NDUFAF5: variants seen among roughly 807,000 people sequenced by gnomAD.
The protein encoded by NDUFAF5 is NADH:ubiquinone oxidoreductase complex assembly factor 5, also known as arginine-hydroxylase NDUFAF5, mitochondrial.
A neutral mutation model predicts 48.9 loss-of-function variants in NDUFAF5; 34 were observed. The observed-to-expected ratio is 0.70, with a 90% CI of 0.53 to 0.93. The LOEUF is 0.93. Ranked by LOEUF, NDUFAF5 falls within the 40% of genes least tolerant of loss-of-function variation. The pLI is 0.00. For missense variants in NDUFAF5, 428 were observed against 427.5 expected (o/e 1.00, Z -0.01); for synonymous variants, 153 against 150.6 (o/e 1.02, Z -0.12).
intron 7 of NDUFAF5, among the ~76,000 whole-genome samples, chr20:13,803,799 T>TG (rs200809565): frequency 0.017 from 2,584 of 150,352 alleles, 35 homozygotes; most frequent in Middle Eastern, 0.061. Context: ...ATTTTTTTTT[T>TG]GGGGGGGGGA....
chr20:13,793,021 T>C, intron 3 of NDUFAF5, 159 bp from the exon 4 acceptor site: 8 of 732,692 alleles, frequency 1.1e-5, no homozygotes, highest in Non-Finnish European at 1.9e-5. Flanking sequence ...GCAAAGGATA[T>C]GTGTTATTAA....
At chr20:13,801,905 A>G (rs1453401542) in intron 7 of NDUFAF5, 1 of 488,660 alleles carries the variant, frequency 2.0e-6, no homozygotes, top group Non-Finnish European at 3.6e-6. Flanking sequence ...CTGTTACCTT[A>G]AAAAGTAGCT....
Position 13,820,753 on chromosome 20 carries a change from TAA to T in NDUFAF5, c.*3546_*3547del, listed in dbSNP as rs1986932829. The T allele has an allele frequency of 6.6e-6, 1 of 152,174 alleles. No individual in the cohort carries two copies. Among genetic ancestry groups the T allele is most frequent in the Admixed American group, 6.5e-5 (1 of 15,278 alleles). 9.4% of individuals were successfully genotyped at this position (152,174 alleles called of 1,614,324 possible). ...ATGTATTCCTTAAGTAGGAGTGGAA[TAA>T]AAGTATTTTACCGTGGATTGGCTTC... On this transcript the variant is annotated 3_prime_UTR_variant, in exon 11 of 11. Coordinates refer to ENST00000378106, the MANE Select transcript of NDUFAF5 (RefSeq NM_024120.5).
Position 13,798,471 on chromosome 20 carries a change from G to A in NDUFAF5, c.490G>A (p.Val164Met). The part of the protein sequence containing the change: ...LVVSSLSLHW[V>M]NDLPRALEQI... Reference sequence around the variant, plus strand: ...ATTCTCATATTTTAGTTTGCATTGGGTGAATGACCTTCCTAGAGCACTTGA... The same window carrying A: ...ATTCTCATATTTTAGTTTGCATTGGATGAATGACCTTCCTAGAGCACTTGA... The change falls in exon 6 of 11, where the codon GTG (valine) becomes ATG (methionine). Residue 164 changes from valine to methionine, a missense_variant. By Grantham distance (21) the Val-to-Met change is conservative. Coordinates refer to ENST00000378106, the MANE Select transcript of NDUFAF5 (RefSeq NM_024120.5). The A allele has an allele frequency of 6.2e-7, 1 of 1,611,168 alleles. No individual in the cohort carries two copies. Among genetic ancestry groups the A allele is most frequent in the South Asian group, 1.1e-5 (1 of 91,022 alleles).
chr20:13,793,194 GT>G lies in NDUFAF5; in HGVS notation c.347del (p.Phe116SerfsTer10). 1 of 1,613,956 alleles carries G rather than the reference GT, an allele frequency of 6.2e-7. No individual in the cohort carries two copies. Among genetic ancestry groups the G allele is most frequent in the East Asian group, 2.2e-5 (1 of 44,840 alleles). On this transcript the variant is annotated frameshift_variant, in exon 4 of 11. Coordinates refer to ENST00000378106, the MANE Select transcript of NDUFAF5 (RefSeq NM_024120.5). LOFTEE classifies it high-confidence loss of function. Reference protein sequence around the residue: ...QYLNKETIGKFFQADIAENAL... With the variant: ...QYLNKETIGKXFQADIAENAL... ...TTCCATTGCAGGAAACTATTGGAAA[GT>G]TTTTCCAAGCTGACATTGCAGAAAA... is the stretch of plus-strand genomic sequence containing the variant.
chr20:13,805,526 TTAG>T (rs889947523), intron 7 of NDUFAF5, among the ~76,000 whole-genome samples: 7 of 152,230 alleles, frequency 4.6e-5, no homozygotes, highest in African/African-American at 1.7e-4. Context: ...AGAATCTTCT[TTAG>T]TTTATACAAT....
chr20:13,791,126 G>A (rs186292038), intron 3 of NDUFAF5, among the ~76,000 whole-genome samples: 33 of 152,320 alleles, frequency 2.2e-4, no homozygotes, highest in South Asian at 1.2e-3. Flanking sequence ...GTGGCAAGGA[G>A]CACGGGATCA....
intron 7 of NDUFAF5, among the ~76,000 whole-genome samples, chr20:13,802,334 T>C (rs1410617670): frequency 6.6e-6 from 1 of 152,054 alleles, no homozygotes; most frequent in East Asian, 1.9e-4. Context: ...GATAGGGAAA[T>C]TTGAGTAACT....
At chr20:13,787,675 C>T (rs1291617658) in intron 2 of NDUFAF5, among the ~76,000 whole-genome samples, 3 of 152,262 alleles carry the variant, frequency 2.0e-5, no homozygotes, top group East Asian at 3.9e-4. Flanking sequence ...TTTTAACATC[C>T]GAAGCCTCTG....
At chr20:13,794,373 G>A (rs1004951094) in intron 4 of NDUFAF5, among the ~76,000 whole-genome samples, 8 of 151,894 alleles carry the variant, frequency 5.3e-5, no homozygotes, top group East Asian at 1.9e-4. Context: ...TCCGCCTCCC[G>A]GGTTCAAGCG....
At position 13,817,162 on chromosome 20, in the gene NDUFAF5, G is replaced by A. The variant is rs1289094596; in HGVS notation, c.990G>A (p.Glu330=). ...GTTCCGCAACTGTGTCATTTGGAGA[G>A]CTAGGAAAAATAAACAACCTTATGC... ...ERGSATVSFG[E]LGKINNLMPP... The change falls in exon 11 of 11, where the codon GAG becomes GAA. Residue 330 remains glutamate (E), a synonymous_variant. Transcript: ENST00000378106. 4 of 1,613,824 alleles carry A rather than the reference G, an allele frequency of 2.5e-6. No individual in the cohort carries two copies. The highest frequency in any genetic ancestry group is 2.7e-5 in the African/African-American group (2 of 74,886).
At chr20:13,804,250 T>C (rs1984664524) in intron 7 of NDUFAF5, among the ~76,000 whole-genome samples, 1 of 152,134 alleles carries the variant, frequency 6.6e-6, no homozygotes. Flanking sequence ...AAATAACCCA[T>C]CGTAGAATAA....
rs1332202948 is a variant in NDUFAF5, at chr20:13,817,268, A to G, written c.*58A>G. ...TTCATCAGAAATGGATAGCTTTAACATCTAAAATTATTATATTTTGAAGCA... is the reference window on the plus strand; with the variant it reads ...TTCATCAGAAATGGATAGCTTTAACGTCTAAAATTATTATATTTTGAAGCA... On this transcript the variant is annotated 3_prime_UTR_variant, in exon 11 of 11. Transcript: ENST00000378106. 8.1e-7 allele frequency: 1 copy of G among 1,240,220 alleles called. No homozygotes were observed. The highest frequency in any genetic ancestry group is 1.2e-6 in the Non-Finnish European group (1 of 839,016). 76.8% of individuals were successfully genotyped at this position (1,240,220 alleles called of 1,614,324 possible).
chr20:13,810,958 G>C (rs894358571), intron 8 of NDUFAF5, among the ~76,000 whole-genome samples: 1 of 152,158 alleles, frequency 6.6e-6, no homozygotes, highest in African/African-American at 2.4e-5. Flanking sequence ...GGAACCGTTT[G>C]AAATAGTCAT....
At chr20:13,812,801 A>T (rs191764750) in intron 8 of NDUFAF5, among the ~76,000 whole-genome samples, 9 of 152,230 alleles carry the variant, frequency 5.9e-5, no homozygotes, top group Non-Finnish European at 1.3e-4. Flanking sequence ...TCAGGTTAAC[A>T]TGTATATTCA....
intron 1 of NDUFAF5, 83 bp from the exon 2 acceptor site, chr20:13,787,229 A>G: frequency 7.0e-7 from 1 of 1,425,470 alleles, no homozygotes; most frequent in Non-Finnish European, 9.9e-7. Flanking sequence ...ACTTATTTTA[A>G]AACATAAGTA....
intron 7 of NDUFAF5, 71 bp from the exon 8 acceptor site, chr20:13,808,771 C>T (rs1399777046): frequency 1.7e-4 from 166 of 995,178 alleles, no homozygotes; most frequent in Middle Eastern, 2.8e-4. Context: ...GTAGTCTCTG[C>T]GGCCTCTTTT....
At chr20:13,805,526 T>C (rs1984872623) in intron 7 of NDUFAF5, among the ~76,000 whole-genome samples, 1 of 152,112 alleles carries the variant, frequency 6.6e-6, no homozygotes, top group South Asian at 2.1e-4. Context: ...AGAATCTTCT[T>C]TAGTTTATAC....
chr20:13,818,577 C>G lies in NDUFAF5; in HGVS notation c.*1367C>G, dbSNP rs764930005. 1 of 270,726 alleles carries G rather than the reference C, an allele frequency of 3.7e-6. No individual in the cohort carries two copies. The highest frequency in any genetic ancestry group is 2.3e-5 in the African/African-American group (1 of 43,502). 16.8% of individuals were successfully genotyped at this position (270,726 alleles called of 1,614,324 possible). ...TGGGAGGCTGAGGCAGGCAGGAGTT[C>G]AAGGCTGCAGTGAGCTGTCTGTGCC... is the stretch of plus-strand genomic sequence containing the variant. On this transcript the variant is annotated 3_prime_UTR_variant, in exon 11 of 11. Transcript: ENST00000378106.
Sources: allele counts gnomAD v4.1 joint callset (sites outside exome capture counted in the v4.1 genomes callset), GRCh38; gene constraint gnomAD v4.1.1; transcripts MANE v1.5; gene names NCBI Gene and HGNC (gene_info 2026-07-23, HGNC 2026-07-21).